SMYD2: variants seen among roughly 807,000 people sequenced by gnomAD.
SMYD2 encodes the protein N-lysine methyltransferase SMYD2.
SMYD2 carries 53 observed loss-of-function variants against 59.1 expected under a neutral mutation model. The ratio of observed to expected loss-of-function variants is 0.90; its 90% CI spans 0.72 to 1.13. The LOEUF is 1.13. SMYD2 is among the 50% of genes most tolerant of loss of function. The probability of loss-of-function intolerance (pLI) is 0.00; values close to 1 mark genes in which losing one functional copy is unlikely to be tolerated. For missense variants in SMYD2, 494 were observed against 544.7 expected, an observed-to-expected ratio of 0.91 and a Z score of 0.93; for synonymous variants, 208 against 198.8, an observed-to-expected ratio of 1.05 and a Z score of -0.39.
intron 6 of SMYD2, among the ~76,000 whole-genome samples, chr1:214,324,914 G>C (rs1419705908): frequency 1.3e-5 from 2 of 152,330 alleles, no homozygotes; most frequent in Middle Eastern, 6.8e-3. Flanking sequence ...ACAGTTGCTT[G>C]TTAAGTCCTG....
At chr1:214,305,025 T>G (rs1656894698) in intron 1 of SMYD2, among the ~76,000 whole-genome samples, 162 bp from the exon 2 acceptor site, 1 of 152,176 alleles carries the variant, frequency 6.6e-6, no homozygotes, top group African/African-American at 2.4e-5. Flanking sequence ...GGGCTGAATC[T>G]GGTCAAACTC....
chr1:214,294,161 A>G (rs1176434677), intron 1 of SMYD2, among the ~76,000 whole-genome samples: 2 of 152,226 alleles, frequency 1.3e-5, no homozygotes, highest in Non-Finnish European at 2.9e-5. Flanking sequence ...AGAAATACAA[A>G]TGGAATCAAT....
chr1:214,295,700 G>A (rs1420777005), intron 1 of SMYD2, among the ~76,000 whole-genome samples: 3 of 152,194 alleles, frequency 2.0e-5, no homozygotes, highest in Non-Finnish European at 2.9e-5. Flanking sequence ...CGCTGCACGT[G>A]GGTCCCGTTC....
intron 5 of SMYD2, among the ~76,000 whole-genome samples, chr1:214,319,472 G>C (rs1657136856): frequency 6.6e-6 from 1 of 152,208 alleles, no homozygotes; most frequent in African/African-American, 2.4e-5. Context: ...TCTAGATGTG[G>C]AAGTCTTTCC....
At chr1:214,326,696 CATCAGGCTTCGA>C (rs1194149817) in intron 6 of SMYD2, among the ~76,000 whole-genome samples, 7 of 152,166 alleles carry the variant, frequency 4.6e-5, no homozygotes, top group African/African-American at 1.7e-4. Context: ...AGTTCATCCT[CATCAGGCTTCGA>C]AACCCCTTTC....
intron 1 of SMYD2, among the ~76,000 whole-genome samples, chr1:214,287,250 G>C (rs1440399584): frequency 6.6e-6 from 1 of 152,004 alleles, no homozygotes; most frequent in Admixed American, 6.6e-5. Context: ...GTGAACACTG[G>C]GAAGGAAATA....
At chr1:214,334,074 T>C (rs1403407461) in intron 10 of SMYD2, 126 bp from the exon 11 acceptor site, 6 of 733,728 alleles carry the variant, frequency 8.2e-6, no homozygotes, top group Non-Finnish European at 1.4e-5. Flanking sequence ...CTGGTGGGAT[T>C]TGGAGAGGCC....
intron 1 of SMYD2, among the ~76,000 whole-genome samples, chr1:214,304,872 G>A (rs148815146): frequency 9.3e-4 from 141 of 152,318 alleles, no homozygotes; most frequent in Non-Finnish European, 1.5e-3. Flanking sequence ...GTTCTGTGCA[G>A]ATGATGTTCA....
chr1:214,319,001 A>G lies in SMYD2; in HGVS notation c.534+18A>G. The G allele has an allele frequency of 6.2e-7, 1 of 1,613,018 alleles. No individual in the cohort carries two copies. The highest frequency in any genetic ancestry group is 8.5e-7 in the Non-Finnish European group (1 of 1,179,512). ...TTGCACAGGTAAGGACGCTGGCAGC[A>G]GGTAACACTCAGTCTGGCCTTTCCC... On this transcript the variant is annotated intron_variant, in intron 5 of 11. Coordinates refer to ENST00000366957, the MANE Select transcript of SMYD2 (RefSeq NM_020197.3).
intron 1 of SMYD2, 125 bp from the exon 2 acceptor site, chr1:214,305,062 G>A (rs1348892398): frequency 1.2e-6 from 1 of 845,428 alleles, no homozygotes; most frequent in African/African-American, 1.7e-5. Context: ...TTCTCAGTGG[G>A]AGAGTAAGGT....
chr1:214,335,272 G>C (rs1657417852), intron 11 of SMYD2, among the ~76,000 whole-genome samples: 1 of 152,224 alleles, frequency 6.6e-6, no homozygotes, highest in Non-Finnish European at 1.5e-5. Context: ...GGCTGGAAGG[G>C]AGCACAGAAC....
In SMYD2 at chr1:214,281,335, C is replaced by G; in HGVS notation, c.81C>G (p.Phe27Leu). ...GGGGGCTGCGGGCTCTGCAGCCCTT[C>G]CAGGTGGGGGACTTGCTGTTCTCCT... Reference protein sequence around the residue: ...KGRGLRALQPFQVGDLLFSCP... With the variant: ...KGRGLRALQPLQVGDLLFSCP... The change falls in exon 1 of 12, where the codon TTC becomes TTG. Residue 27 changes from phenylalanine (F) to leucine (L), a missense_variant. Phe to Leu is a conservative substitution (Grantham distance 22, BLOSUM62 0). Coordinates refer to ENST00000366957, the MANE Select transcript of SMYD2 (RefSeq NM_020197.3). The G allele has an allele frequency of 7.0e-7, 1 of 1,438,470 alleles. No homozygotes were observed. The highest frequency in any genetic ancestry group is 2.0e-4 in the Middle Eastern group (1 of 4,992). The allele number at this position is 1,438,470 out of a possible 1,614,324, so 89.1% of individuals were successfully genotyped here.
At chr1:214,331,786 G>A (rs1308503176) in intron 9 of SMYD2, 1 of 519,856 alleles carries the variant, frequency 1.9e-6, no homozygotes, top group African/African-American at 1.9e-5. Context: ...AGAACTAGGG[G>A]TCTGGACCCT....
intron 1 of SMYD2, among the ~76,000 whole-genome samples, chr1:214,299,753 C>T (rs764867628): frequency 2.6e-5 from 4 of 152,106 alleles, no homozygotes; most frequent in Non-Finnish European, 4.4e-5. Context: ...ACTACAGGCG[C>T]CCGCCACCAC....
chr1:214,316,077 G>A (rs535717377), intron 3 of SMYD2, among the ~76,000 whole-genome samples: 1 of 152,212 alleles, frequency 6.6e-6, no homozygotes, highest in African/African-American at 2.4e-5. Context: ...GAAATAGGCA[G>A]TGTGGGGCTT....
At chr1:214,327,601 G>T in intron 6 of SMYD2, 21 bp from the exon 7 acceptor site, 2 of 1,609,306 alleles carry the variant, frequency 1.2e-6, no homozygotes, top group Non-Finnish European at 1.7e-6. Flanking sequence ...TAAAAACTGG[G>T]TTTTCTCTTC....
chr1:214,318,328 A>G lies in SMYD2; in HGVS notation c.409+189A>G, dbSNP rs188051867. Among the ~76,000 whole-genome samples the G allele has an allele frequency of 4.4e-3, 664 of 152,196 alleles. 10 individuals carry two copies. Among genetic ancestry groups the G allele is most frequent in the Non-Finnish European group, 5.9e-3 (398 of 68,002 alleles). On this transcript the variant is annotated intron_variant, in intron 4 of 11. Transcript: ENST00000366957. This position sits in a 1 kb window ranked among gnomAD's most constrained non-coding sequence, Gnocchi z 5.4. Reference sequence around the variant, plus strand: ...AGCTTTTTTCTTCTGAGTTGACAGGATTGTTAGGAAATAATTAAAGGAGGT... The same window carrying G: ...AGCTTTTTTCTTCTGAGTTGACAGGGTTGTTAGGAAATAATTAAAGGAGGT...
intron 1 of SMYD2, among the ~76,000 whole-genome samples, chr1:214,301,815 G>C (rs1028612377): frequency 6.8e-6 from 1 of 147,636 alleles, no homozygotes; most frequent in African/African-American, 2.5e-5. Context: ...GAAGAAAGTG[G>C]CTAGTTCAGT....
chr1:214,314,856 G>T lies in SMYD2; in HGVS notation c.332G>T (p.Arg111Met). Residue 111 changes from arginine to methionine, a missense_variant, in exon 3 of 12, where the codon AGG (arginine) becomes ATG (methionine). Coordinates refer to ENST00000366957, the MANE Select transcript of SMYD2 (RefSeq NM_020197.3). ...TCGGAGACTGTAAGACTAACAGCAAGGATTCTGGCCAAACAGGTGAGGAAA... is the reference window on the plus strand; with the variant it reads ...TCGGAGACTGTAAGACTAACAGCAATGATTCTGGCCAAACAGGTGAGGAAA... ...NPSETVRLTA[R>M]ILAKQKIHPE... The T allele has an allele frequency of 1.2e-6, 2 of 1,613,798 alleles. No individual in the cohort carries two copies. The highest frequency in any genetic ancestry group is 8.5e-7 in the Non-Finnish European group (1 of 1,179,784).
Sources: allele counts gnomAD v4.1 joint callset (sites outside exome capture counted in the v4.1 genomes callset), GRCh38; gene constraint gnomAD v4.1.1; non-coding constraint Gnocchi (gnomAD v3.1); transcripts MANE v1.5; gene names NCBI Gene and HGNC (gene_info 2026-07-23, HGNC 2026-07-21).